ROBO1: variants seen among roughly 807,000 people sequenced by gnomAD.
ROBO1 encodes the protein roundabout homolog 1.
Under a neutral mutation model 195.9 loss-of-function variants are expected in ROBO1, and 149 were observed. That is an observed-to-expected ratio of 0.76 (90% CI 0.67 to 0.87). The LOEUF (loss-of-function observed/expected upper bound fraction) is 0.87, where lower values mean the gene tolerates loss of function less well. Among genes scored for constraint, ROBO1 ranks in the 40% least tolerant of loss-of-function variants. ROBO1 has a pLI of 0.00. For missense variants in ROBO1, 1,933 were observed against 2,068.3 expected, an observed-to-expected ratio of 0.93 and a Z score of 1.27; for synonymous variants, 816 against 733.2, an observed-to-expected ratio of 1.11 and a Z score of -1.82.
At position 79,668,344 on chromosome 3, in the gene ROBO1, T is replaced by G. The variant is rs535043864; in HGVS notation, c.-50-78383A>C. Among the ~76,000 whole-genome samples, 161 of 151,696 alleles carry G rather than the reference T, an allele frequency of 1.1e-3. 1 individual carries two copies. Among genetic ancestry groups the G allele is most frequent in the African/African-American group, 3.5e-3 (147 of 41,472 alleles). ...CCATCCTTTTAAAACATGGTGTTTT[T>G]TTTTGTTTTGTTTTAACTCAGTATT... On this transcript the variant is annotated intron_variant, in intron 1 of 30. Transcript: ENST00000464233.
intron 10 of ROBO1, among the ~76,000 whole-genome samples, chr3:78,683,878 G>A (rs887668665): frequency 2.0e-5 from 3 of 151,642 alleles, no homozygotes; most frequent in African/African-American, 2.4e-5. Context: ...AAGGCCTCAA[G>A]GTAGGACAGA....
rs945643084 is a variant in ROBO1, at chr3:78,877,179, T to A, written c.499+61422A>T. 8.5e-5 allele frequency among the ~76,000 whole-genome samples: 13 copies of A among 152,224 alleles called. No homozygotes were observed. In the East Asian group the frequency reaches 2.5e-3, roughly 29 times the overall value. On this transcript the variant is annotated intron_variant, in intron 4 of 30. Transcript: ENST00000464233. The stretch of plus-strand genomic sequence containing the variant: ...TTACTGACATTTTGTAATACTAGAC[T>A]TGGTAATTTGGGACATACATATAAT...
At chr3:79,757,520 T>C (rs1377408847) in intron 1 of ROBO1, among the ~76,000 whole-genome samples, 1 of 151,310 alleles carries the variant, frequency 6.6e-6, no homozygotes, top group Non-Finnish European at 1.5e-5. Context: ...CATATATATA[T>C]ATGCCATCCT....
chr3:78,773,761 A>G (rs963690313), intron 4 of ROBO1, among the ~76,000 whole-genome samples: 2 of 152,310 alleles, frequency 1.3e-5, no homozygotes, highest in African/African-American at 4.8e-5. Flanking sequence ...CTAGTCTCAT[A>G]TATAGCAAAC....
chr3:78,982,913 C>CTA (rs1553648208), intron 3 of ROBO1, among the ~76,000 whole-genome samples: 2 of 149,358 alleles, frequency 1.3e-5, no homozygotes, highest in African/African-American at 4.9e-5. Context: ...GACACCACAT[C>CTA]TTTTTTTTTT....
At position 78,660,013 on chromosome 3, in the gene ROBO1, C is replaced by T. The variant is rs549952161; in HGVS notation, c.2321-206G>A. 3.7e-4 allele frequency: 121 copies of T among 322,796 alleles called. 2 individuals are homozygous for T. The South Asian group carries it at 7.8e-3, about 21-fold the overall frequency. 20.0% of individuals were successfully genotyped at this position (322,796 alleles called of 1,614,324 possible). ...TCGGCTCACTGCAACCTCCCCCTCC[C>T]GGGTTCAAGCGATTCTCCTGCCTCA... On this transcript the variant is annotated intron_variant, in intron 16 of 30. Transcript: ENST00000464233.
chr3:79,029,112 T>C (rs559870657), intron 3 of ROBO1, among the ~76,000 whole-genome samples: 1 of 152,208 alleles, frequency 6.6e-6, no homozygotes, highest in Non-Finnish European at 1.5e-5. Flanking sequence ...CTAGTCTAAA[T>C]AGGGATCAAC....
At chr3:79,664,990 A>T (rs910973207) in intron 1 of ROBO1, among the ~76,000 whole-genome samples, 1 of 152,004 alleles carries the variant, frequency 6.6e-6, no homozygotes, top group African/African-American at 2.4e-5. Context: ...TATTAATATT[A>T]GTTTGATTTT....
intron 4 of ROBO1, among the ~76,000 whole-genome samples, chr3:78,912,936 TCTC>T (rs2038334582): frequency 6.6e-6 from 1 of 152,182 alleles, no homozygotes; most frequent in African/African-American, 2.4e-5. Context: ...CGTCCAATTT[TCTC>T]CTCCTCACTT....
intron 2 of ROBO1, among the ~76,000 whole-genome samples, chr3:79,232,303 A>T (rs559219686): frequency 2.0e-5 from 3 of 150,882 alleles, no homozygotes; most frequent in Non-Finnish European, 4.4e-5. Context: ...AAGAGGTAAC[A>T]AAAAAGAAGA....
At chr3:79,633,742 G>T (rs1945415497) in intron 1 of ROBO1, among the ~76,000 whole-genome samples, 1 of 151,346 alleles carries the variant, frequency 6.6e-6, no homozygotes, top group African/African-American at 2.4e-5. Context: ...AAAAACACAA[G>T]AAAAAATAAC....
intron 2 of ROBO1, among the ~76,000 whole-genome samples, chr3:79,588,782 T>C (rs920478331): frequency 6.6e-6 from 1 of 151,724 alleles, no homozygotes; most frequent in African/African-American, 2.4e-5. Context: ...TGTATTTTAT[T>C]ACAACAGACT....
intron 2 of ROBO1, among the ~76,000 whole-genome samples, chr3:79,487,334 A>G (rs911422796): frequency 1.5e-5 from 2 of 135,062 alleles, no homozygotes; most frequent in African/African-American, 6.0e-5. Context: ...AATGGATATT[A>G]TAGATAATGA....
At chr3:79,413,009 T>C (rs1341163605) in intron 2 of ROBO1, among the ~76,000 whole-genome samples, 1 of 150,614 alleles carries the variant, frequency 6.6e-6, no homozygotes, top group Admixed American at 6.7e-5. Context: ...ACAACATTAG[T>C]TTACCTTCTG....
intron 2 of ROBO1, among the ~76,000 whole-genome samples, chr3:79,317,581 T>A (rs538217351): frequency 1.3e-4 from 20 of 152,188 alleles, no homozygotes; most frequent in Admixed American, 6.5e-5. Flanking sequence ...CTTCTACTCA[T>A]GTTATAAACA....
chr3:78,762,553 G>T (rs909414465), intron 4 of ROBO1, among the ~76,000 whole-genome samples: 1 of 152,004 alleles, frequency 6.6e-6, no homozygotes, highest in Non-Finnish European at 1.5e-5. Flanking sequence ...CTAAACAGAC[G>T]ATGTAGAGGC....
intron 3 of ROBO1, among the ~76,000 whole-genome samples, chr3:78,939,450 T>TA (rs772177770): frequency 0.014 from 1,846 of 129,114 alleles, 33 homozygotes; most frequent in African/African-American, 0.04. Flanking sequence ...CCGTCTCTAC[T>TA]AAAAAAAAAA....
chr3:79,303,419 G>T (rs1223838127), intron 2 of ROBO1, among the ~76,000 whole-genome samples: 2 of 152,046 alleles, frequency 1.3e-5, no homozygotes, highest in Non-Finnish European at 2.9e-5. Context: ...ACCCACCTTG[G>T]CCTCTCAAAG....
At chr3:78,939,024 G>T in intron 3 of ROBO1, 97 bp from the exon 4 acceptor site, 2 of 1,066,584 alleles carry the variant, frequency 1.9e-6, no homozygotes, top group Non-Finnish European at 2.7e-6. Context: ...TTTAAACACT[G>T]CATAACATTG....
Sources: allele counts gnomAD v4.1 joint callset (sites outside exome capture counted in the v4.1 genomes callset), GRCh38; gene constraint gnomAD v4.1.1; transcripts MANE v1.5; gene names NCBI Gene and HGNC (gene_info 2026-07-23, HGNC 2026-07-21).